The following DNAH6 variants were observed in gnomAD, a reference collection of about 807,000 sequenced individuals.
DNAH6 encodes the protein axonemal beta dynein heavy chain 6.
DNAH6 carries 340 observed loss-of-function variants against 491.4 expected under a neutral mutation model. That is an observed-to-expected ratio of 0.69 (90% CI 0.63 to 0.76). The LOEUF is 0.76. Among genes scored for constraint, DNAH6 ranks in the 30% least tolerant of loss-of-function variants. The pLI, the probability that DNAH6 is intolerant of heterozygous loss-of-function variation, is 0.00. For missense variants in DNAH6, 4,443 were observed against 4,972.2 expected, an observed-to-expected ratio of 0.89 and a Z score of 3.20; for synonymous variants, 1,603 against 1,686.1, an observed-to-expected ratio of 0.95 and a Z score of 1.21.
At chr2:84,507,996 G>T in the DNAH6 span, among the ~76,000 whole-genome samples, 7 of 152,260 alleles carry the variant, frequency 4.6e-5, no homozygotes, top group African/African-American at 1.7e-4. Flanking sequence ...TTTTTGCATC[G>T]ATGTTCATCA....
chr2:84,624,172 G>A (rs1277252694), intron 26 of DNAH6, 93 bp from the exon 27 acceptor site: 5 of 1,174,524 alleles, frequency 4.3e-6, no homozygotes, highest in Non-Finnish European at 5.8e-6. Context: ...CTGGTTTTTA[G>A]CAATGTCTCT....
At position 84,722,754 on chromosome 2, in the gene DNAH6, C is replaced by T. The variant is rs1357481393; in HGVS notation, c.9922C>T (p.Leu3308Phe). The change falls in exon 60 of 77, where the codon CTC (leucine) becomes TTC (phenylalanine). Residue 3308 changes from leucine to phenylalanine, a missense_variant. Physicochemically the swap from Leu to Phe is conservative, Grantham distance 22. This residue lies in a region of DNAH6 where 1,463 missense variants were observed against 1,656.6 expected (regional missense o/e 0.88). Coordinates refer to ENST00000389394, the MANE Select transcript of DNAH6 (RefSeq NM_001370.2). ...GSVMYFVIAS[L>F]SEIDPMYQYS... ...TGTAATGTACTTTGTCATTGCAAGC[C>T]TCTCAGAAATAGATCCTATGTACCA... 1 of 1,536,940 alleles carries T rather than the reference C, an allele frequency of 6.5e-7. No individual in the cohort carries two copies. The highest frequency in any genetic ancestry group is 2.2e-5 in the Admixed American group (1 of 45,574).
intron 46 of DNAH6, among the ~76,000 whole-genome samples, chr2:84,695,854 A>G (rs183499043): frequency 6.6e-6 from 1 of 152,204 alleles, no homozygotes; most frequent in Non-Finnish European, 1.5e-5. Context: ...TCCAAGTATT[A>G]AAGCTCCAAA....
intron 40 of DNAH6, among the ~76,000 whole-genome samples, chr2:84,675,254 C>T (rs1266163710): frequency 1.3e-5 from 2 of 152,092 alleles, no homozygotes; most frequent in African/African-American, 4.8e-5. Flanking sequence ...ACTCTGAGCT[C>T]CTGACCTCCA....
rs200771885 is a variant in DNAH6, at chr2:84,573,596, T to G, written c.1924+9T>G. 1.6e-3 allele frequency: 2,505 copies of G among 1,559,620 alleles called. 71 individuals carry two copies. The South Asian group carries it at 0.029, about 18-fold the overall frequency. On this transcript the variant is annotated intron_variant, in intron 12 of 76. Coordinates refer to ENST00000389394, the MANE Select transcript of DNAH6 (RefSeq NM_001370.2). The stretch of plus-strand genomic sequence containing the variant: ...TAAACTTCAGGAACCTGGTAACTTG[T>G]CCATTTGTACTTACTAATTATTTTT...
chr2:84,681,557 C>G, intron 42 of DNAH6, 29 bp downstream of exon 42: 1 of 1,463,690 alleles, frequency 6.8e-7, no homozygotes, highest in East Asian at 2.6e-5. Flanking sequence ...GTTTTCTGAT[C>G]TGCACCCTCC....
At chr2:84,625,742 T>C (rs1307212644) in intron 29 of DNAH6, among the ~76,000 whole-genome samples, 1 of 152,204 alleles carries the variant, frequency 6.6e-6, no homozygotes, top group Non-Finnish European at 1.5e-5. Context: ...CTCTAATATT[T>C]TCAAGATATT....
At chr2:84,632,102 A>G (rs1468889319) in intron 29 of DNAH6, among the ~76,000 whole-genome samples, 1 of 152,214 alleles carries the variant, frequency 6.6e-6, no homozygotes, top group African/African-American at 2.4e-5. Context: ...AAAACAAAGA[A>G]TTGGAGATCA....
In DNAH6 at chr2:84,611,809, A is replaced by C; in HGVS notation, c.3430A>C (p.Lys1144Gln). Residue 1144 changes from lysine (K) to glutamine (Q), a missense_variant, in exon 22 of 77, where the codon AAG becomes CAG. By Grantham distance (53) the Lys-to-Gln change is moderately conservative. This residue lies in a region of DNAH6 where 2,977 missense variants were observed against 3,296.6 expected (regional missense o/e 0.90). Coordinates refer to ENST00000389394, the MANE Select transcript of DNAH6 (RefSeq NM_001370.2). The part of the protein sequence containing the change: ...VDKSWKEIMR[K>Q]VNRLPNALRA... ...TAAGTCATGGAAAGAAATCATGAGA[A>C]AGGTGAATCGGCTGCCTAATGCTCT... is the stretch of plus-strand genomic sequence containing the variant. 6.4e-7 allele frequency: 1 copy of C among 1,551,178 alleles called. No individual in the cohort carries two copies. Among genetic ancestry groups the C allele is most frequent in the Non-Finnish European group, 8.7e-7 (1 of 1,146,624 alleles).
chr2:84,552,569 T>C (rs1218780927), intron 9 of DNAH6, among the ~76,000 whole-genome samples: 1 of 152,206 alleles, frequency 6.6e-6, no homozygotes, highest in African/African-American at 2.4e-5. Context: ...GATTCATTAA[T>C]ATATTATTGG....
At chr2:84,487,309 A>G in the DNAH6 span, among the ~76,000 whole-genome samples, 1 of 152,242 alleles carries the variant, frequency 6.6e-6, no homozygotes, top group African/African-American at 2.4e-5. Context: ...TGGACAATAG[A>G]AGATGCTGCT....
intron 63 of DNAH6, among the ~76,000 whole-genome samples, chr2:84,751,666 C>A (rs1231815849): frequency 1.3e-5 from 2 of 152,182 alleles, no homozygotes; most frequent in African/African-American, 4.8e-5. Flanking sequence ...TACCGTAATT[C>A]AGAGATGAAT....
chr2:84,622,393 G>A (rs1264586354), intron 26 of DNAH6, among the ~76,000 whole-genome samples: 4 of 151,902 alleles, frequency 2.6e-5, no homozygotes, highest in Non-Finnish European at 5.9e-5. Flanking sequence ...GCAGGGATGC[G>A]ATCATAGCAC....
intron 9 of DNAH6, among the ~76,000 whole-genome samples, chr2:84,552,381 A>G (rs904698957): frequency 3.9e-5 from 6 of 152,236 alleles, no homozygotes; most frequent in Non-Finnish European, 5.9e-5. Flanking sequence ...ACCCAGCACT[A>G]TGCCTGGCAC....
chr2:84,636,894 C>CAA (rs34526526), intron 30 of DNAH6, among the ~76,000 whole-genome samples: 13,876 of 143,934 alleles, frequency 0.096, 1,435 homozygotes, highest in African/African-American at 0.26. Flanking sequence ...GACCCTGTCT[C>CAA]AAAAAAAAAA....
At chr2:84,729,647 G>A (rs1404590726) in intron 61 of DNAH6, among the ~76,000 whole-genome samples, 1 of 152,072 alleles carries the variant, frequency 6.6e-6, no homozygotes, top group Non-Finnish European at 1.5e-5. Context: ...TTTAAAATAT[G>A]TTTTAAATAC....
In DNAH6 at chr2:84,588,921, A is replaced by T. The variant is rs930049370; in HGVS notation, c.2577A>T (p.Ala859=). The change falls in exon 16 of 77, where the codon GCA becomes GCT. Residue 859 remains alanine (A), a synonymous_variant. Transcript: ENST00000389394. ...QSVLADLQKR[A]FQYKSYQKNF... ...TTCTGGCTGATCTTCAGAAACGTGC[A>T]TTTCAGTATAAGTCCTATCAGAAGA... is the stretch of plus-strand genomic sequence containing the variant. 11 of 1,549,966 alleles carry T rather than the reference A, an allele frequency of 7.1e-6. No homozygotes were observed. The highest frequency in any genetic ancestry group is 9.6e-6 in the Non-Finnish European group (11 of 1,146,392).
rs756889739 is a variant in DNAH6, at chr2:84,594,123, G to A, written c.2724+38G>A. 1.5e-5 allele frequency: 16 copies of A among 1,092,726 alleles called. No individual in the cohort carries two copies. In the African/African-American group the frequency reaches 1.7e-4, roughly 12 times the overall value. 67.7% of individuals were successfully genotyped at this position (1,092,726 alleles called of 1,614,324 possible). ...AGCCTTCAGTTCTCAAATTATTTTT[G>A]TATGAATTAATCTTAAAATTCTAAT... On this transcript the variant is annotated intron_variant, in intron 17 of 76. Coordinates refer to ENST00000389394, the MANE Select transcript of DNAH6 (RefSeq NM_001370.2).
At chr2:84,676,014 C>A (rs1693205373) in intron 40 of DNAH6, among the ~76,000 whole-genome samples, 1 of 152,228 alleles carries the variant, frequency 6.6e-6, no homozygotes, top group Non-Finnish European at 1.5e-5. Flanking sequence ...GTGGCATGTT[C>A]TCTCCATTAG....
Sources: gnomAD v4.1 joint callset for allele counts (sites outside exome capture counted in the v4.1 genomes callset) on GRCh38, gnomAD v4.1.1 for gene constraint, gnomAD v4.1.1 regional missense constraint, MANE v1.5 for transcripts, NCBI Gene and HGNC (gene_info 2026-07-23, HGNC 2026-07-21) for gene names.